SPRED2: variants seen among roughly 807,000 people sequenced by gnomAD.
SPRED2 encodes the protein sprouty related EVH1 domain containing 2.
Under a neutral mutation model 43.0 loss-of-function variants are expected in SPRED2, and 47 were observed. The observed-to-expected ratio is 1.09, with a 90% CI of 0.87 to 1.40. SPRED2 has a LOEUF of 1.40. Among genes scored for constraint, SPRED2 ranks in the 40% most tolerant of loss-of-function variants. SPRED2 has a pLI of 0.00. For synonymous variants in SPRED2, 225 were observed against 225.7 expected (o/e 1.00, Z 0.03); for missense variants, 561 against 586.4 (o/e 0.96, Z 0.45).
chr2:65,325,519 G>A (rs549913108), intron 4 of SPRED2, among the ~76,000 whole-genome samples: 5 of 152,296 alleles, frequency 3.3e-5, no homozygotes, highest in African/African-American at 4.8e-5. Flanking sequence ...AAATGAGGGA[G>A]TTGAACTAGA....
chr2:65,431,744 C>T (rs1343811196), intron 1 of SPRED2, among the ~76,000 whole-genome samples: 1 of 152,164 alleles, frequency 6.6e-6, no homozygotes, highest in South Asian at 2.1e-4. Context: ...CTGCCACCAG[C>T]CCGCCGACCC....
intron 1 of SPRED2, among the ~76,000 whole-genome samples, chr2:65,413,845 G>A (rs1676216555): frequency 6.6e-6 from 1 of 152,194 alleles, no homozygotes; most frequent in Admixed American, 6.5e-5. Flanking sequence ...CATACAGACT[G>A]CCAAATGTGG....
chr2:65,374,596 A>C (rs1675196659), intron 1 of SPRED2, among the ~76,000 whole-genome samples: 1 of 152,262 alleles, frequency 6.6e-6, no homozygotes, highest in Non-Finnish European at 1.5e-5. Context: ...TAGGATATTT[A>C]CCTGGATGAG....
intron 4 of SPRED2, among the ~76,000 whole-genome samples, chr2:65,329,255 C>T (rs1350040147): frequency 6.6e-6 from 1 of 152,210 alleles, no homozygotes; most frequent in Non-Finnish European, 1.5e-5. Flanking sequence ...CTCTAGGTTC[C>T]AGACATTTCA....
At chr2:65,405,805 A>G (rs1676011110) in intron 1 of SPRED2, among the ~76,000 whole-genome samples, 1 of 152,134 alleles carries the variant, frequency 6.6e-6, no homozygotes, top group Non-Finnish European at 1.5e-5. Context: ...GCTCCTCCAC[A>G]AGTCCTCAGG....
chr2:65,317,406 G>A (rs554114558), intron 4 of SPRED2, among the ~76,000 whole-genome samples: 2 of 152,080 alleles, frequency 1.3e-5, no homozygotes, highest in South Asian at 2.1e-4. Context: ...CCAGCTACTC[G>A]GGAGGCTGAA....
At chr2:65,356,904 G>C (rs1674668745) in intron 1 of SPRED2, among the ~76,000 whole-genome samples, 1 of 152,138 alleles carries the variant, frequency 6.6e-6, no homozygotes, top group Non-Finnish European at 1.5e-5. Context: ...TGAGGCAGGA[G>C]AATCGCTTGA....
At chr2:65,407,074 C>T (rs1020541305) in intron 1 of SPRED2, among the ~76,000 whole-genome samples, 1 of 151,962 alleles carries the variant, frequency 6.6e-6, no homozygotes, top group Non-Finnish European at 1.5e-5. Flanking sequence ...ACTACAGGCA[C>T]CCACCACCAT....
chr2:65,350,887 C>CG (rs1674491719), intron 1 of SPRED2, among the ~76,000 whole-genome samples: 2 of 152,238 alleles, frequency 1.3e-5, no homozygotes, highest in Non-Finnish European at 2.9e-5. Context: ...TAGGGCCAGG[C>CG]GGCCCTGAAG....
chr2:65,315,935 G>T (rs1442663080), intron 5 of SPRED2, among the ~76,000 whole-genome samples: 1 of 152,224 alleles, frequency 6.6e-6, no homozygotes, highest in African/African-American at 2.4e-5. Context: ...TGGGATTACA[G>T]GCATGAGCCA....
chr2:65,319,101 C>T (rs1673330378), intron 4 of SPRED2, among the ~76,000 whole-genome samples: 1 of 152,134 alleles, frequency 6.6e-6, no homozygotes, highest in African/African-American at 2.4e-5. Flanking sequence ...TTAGGAAAAA[C>T]ACACCCATAT....
chr2:65,329,537 T>C (rs956236959), intron 4 of SPRED2, among the ~76,000 whole-genome samples: 1 of 152,232 alleles, frequency 6.6e-6, no homozygotes, highest in African/African-American at 2.4e-5. Flanking sequence ...GCAGGGCTGC[T>C]CCTAAACTTT....
intron 1 of SPRED2, among the ~76,000 whole-genome samples, chr2:65,397,878 GA>G (rs1030688104): frequency 2.0e-5 from 3 of 150,530 alleles, no homozygotes; most frequent in Non-Finnish European, 3.0e-5. Context: ...CACAGAACTA[GA>G]AAAAAAAATC....
intron 1 of SPRED2, among the ~76,000 whole-genome samples, chr2:65,422,835 C>G (rs1676463483): frequency 6.6e-6 from 1 of 152,082 alleles, no homozygotes; most frequent in African/African-American, 2.4e-5. Flanking sequence ...GAGAAGGCAA[C>G]CAATTATTAG....
intron 2 of SPRED2, among the ~76,000 whole-genome samples, chr2:65,341,724 A>G (rs1056688634): frequency 6.6e-6 from 1 of 152,212 alleles, no homozygotes; most frequent in South Asian, 2.1e-4. Context: ...ACTATGCACT[A>G]GTAATGTCTT....
At position 65,401,928 on chromosome 2, in the gene SPRED2, C is replaced by CGCGCGCGCGT. The variant is rs1553426571; in HGVS notation, c.26+30033_26+30034insACGCGCGCGC. Among the ~76,000 whole-genome samples the CGCGCGCGCGT allele has an allele frequency of 8.2e-3, 827 of 101,212 alleles. 19 individuals carry two copies. Among genetic ancestry groups the CGCGCGCGCGT allele is most frequent in the African/African-American group, 0.041 (786 of 19,250 alleles). The allele number at this position is 101,212 out of a possible 152,430, so 66.4% of individuals were successfully genotyped here. On this transcript the variant is annotated intron_variant, in intron 1 of 5. Coordinates refer to ENST00000356388, the MANE Select transcript of SPRED2 (RefSeq NM_181784.3). ...AATTGTAAAACGATCAGAATATTAG[C>CGCGCGCGCGT]GCGCGCGCGCACACACACACACACA...
At chr2:65,392,282 C>G (rs1453973637) in intron 1 of SPRED2, among the ~76,000 whole-genome samples, 2 of 149,792 alleles carry the variant, frequency 1.3e-5, no homozygotes, top group East Asian at 3.9e-4. Flanking sequence ...TGGGCTCAAG[C>G]GATCCTCCCA....
chr2:65,398,855 A>G (rs1025904665), intron 1 of SPRED2, among the ~76,000 whole-genome samples: 1 of 146,786 alleles, frequency 6.8e-6, no homozygotes, highest in Non-Finnish European at 1.5e-5. Flanking sequence ...TGGTCCAGCA[A>G]TCCCACTACT....
At chr2:65,395,112 C>T (rs554590792) in intron 1 of SPRED2, among the ~76,000 whole-genome samples, 22 of 152,264 alleles carry the variant, frequency 1.4e-4, no homozygotes, top group Admixed American at 1.0e-3. Context: ...TGTTCATCCC[C>T]GTGTCCCTGC....
Sources: allele counts gnomAD v4.1 joint callset (sites outside exome capture counted in the v4.1 genomes callset), GRCh38; gene constraint gnomAD v4.1.1; transcripts MANE v1.5; gene names NCBI Gene and HGNC (gene_info 2026-07-23, HGNC 2026-07-21).